Variants in CMTM8 observed in about 807,000 individuals in gnomAD.
CMTM8 encodes CKLF-like MARVEL transmembrane domain-containing protein 8.
Under a neutral mutation model 18.6 loss-of-function variants are expected in CMTM8, and 12 were observed. The ratio of observed to expected loss-of-function variants is 0.65; its 90% CI spans 0.41 to 1.05. The LOEUF (loss-of-function observed/expected upper bound fraction) is 1.05. Among genes scored for constraint, CMTM8 ranks in the 50% least tolerant of loss-of-function variants. The pLI is 0.00. For missense variants in CMTM8, 217 were observed against 227.2 expected (o/e 0.95, Z 0.29); for synonymous variants, 87 against 90.6 (o/e 0.96, Z 0.23).
chr3:32,314,822 A>G (rs1238106769), intron 1 of CMTM8, among the ~76,000 whole-genome samples: 2 of 150,992 alleles, frequency 1.3e-5, no homozygotes, highest in Admixed American at 1.3e-4. Flanking sequence ...TTGGTAAGGA[A>G]GGAAAATTTT....
chr3:32,351,653 A>G (rs1386884909), intron 1 of CMTM8, among the ~76,000 whole-genome samples: 1 of 151,790 alleles, frequency 6.6e-6, no homozygotes, highest in East Asian at 1.9e-4. Context: ...TAGAGGCTGC[A>G]GTGACTCTTG....
intron 1 of CMTM8, among the ~76,000 whole-genome samples, chr3:32,240,741 C>T (rs918025998): frequency 6.6e-6 from 1 of 152,244 alleles, no homozygotes; most frequent in South Asian, 2.1e-4. Context: ...ACCCTTATTA[C>T]TACTATAGTT....
At chr3:32,285,822 C>T (rs1485986228) in intron 1 of CMTM8, among the ~76,000 whole-genome samples, 1 of 152,184 alleles carries the variant, frequency 6.6e-6, no homozygotes, top group Non-Finnish European at 1.5e-5. Context: ...TGCTCTGTGC[C>T]TTTCTCCCCC....
chr3:32,288,092 G>A (rs1449545519), intron 1 of CMTM8, among the ~76,000 whole-genome samples: 4 of 152,102 alleles, frequency 2.6e-5, no homozygotes, highest in African/African-American at 9.7e-5. Context: ...ATATCAAATA[G>A]GTAGACCTGG....
At chr3:32,348,388 C>T (rs1575089603) in intron 1 of CMTM8, among the ~76,000 whole-genome samples, 3 of 152,190 alleles carry the variant, frequency 2.0e-5, no homozygotes, top group South Asian at 4.1e-4. Flanking sequence ...CTATTTCATC[C>T]ACTGTGCTGG....
chr3:32,255,031 T>C (rs751153449), intron 1 of CMTM8, among the ~76,000 whole-genome samples: 2 of 152,202 alleles, frequency 1.3e-5, no homozygotes, highest in Admixed American at 6.5e-5. Flanking sequence ...CTTTGACTTA[T>C]TTTTGTGGCT....
chr3:32,256,832 G>T (rs1702179224), intron 1 of CMTM8, among the ~76,000 whole-genome samples: 1 of 152,160 alleles, frequency 6.6e-6, no homozygotes, highest in African/African-American at 2.4e-5. Flanking sequence ...TATATTCCTT[G>T]CATCTATTGC....
At chr3:32,302,814 A>G (rs6803740) in intron 1 of CMTM8, among the ~76,000 whole-genome samples, 24,448 of 152,170 alleles carry the variant, frequency 0.16, 2,042 homozygotes, top group South Asian at 0.26. Flanking sequence ...GCGCATACAC[A>G]CCAAGTACCT....
In CMTM8 at chr3:32,238,762, G is replaced by A. The variant is rs1701902963; in HGVS notation, c.-211G>A. The A allele has an allele frequency of 9.7e-6, 3 of 307,966 alleles. No individual in the cohort carries two copies. The highest frequency in any genetic ancestry group is 6.6e-5 in the African/African-American group (3 of 45,228). The allele number at this position is 307,966 out of a possible 1,614,324, so 19.1% of individuals were successfully genotyped here. On this transcript the variant is annotated 5_prime_UTR_variant, in exon 1 of 4. Coordinates refer to ENST00000307526, the MANE Select transcript of CMTM8 (RefSeq NM_178868.5). ...TCTAGGGCCCCAGCGCAGCTCGGGA[G>A]CCCGCGCACCGAGGCGCTAGGGGCA...
chr3:32,319,183 A>C (rs1695996392), intron 1 of CMTM8, among the ~76,000 whole-genome samples: 1 of 144,664 alleles, frequency 6.9e-6, no homozygotes, highest in Non-Finnish European at 1.5e-5. Flanking sequence ...GGTTCAAGGG[A>C]TTCTCCTGTC....
intron 1 of CMTM8, among the ~76,000 whole-genome samples, chr3:32,241,384 G>T (rs1212464231): frequency 7.8e-6 from 1 of 128,240 alleles, no homozygotes; most frequent in South Asian, 3.1e-4. Flanking sequence ...TGTAAAAGCA[G>T]TATGCATTCA....
intron 2 of CMTM8, among the ~76,000 whole-genome samples, chr3:32,362,127 G>A (rs948159529): frequency 4.5e-5 from 6 of 132,992 alleles, no homozygotes; most frequent in East Asian, 2.4e-4. Context: ...TACACCCTCC[G>A]CCTCCCGGGT....
At chr3:32,287,649 C>G (rs1015408227) in intron 1 of CMTM8, among the ~76,000 whole-genome samples, 1 of 152,146 alleles carries the variant, frequency 6.6e-6, no homozygotes, top group African/African-American at 2.4e-5. Context: ...TTAGAATACA[C>G]AAATGCCTTC....
At chr3:32,331,266 TA>T (rs1696268420) in intron 1 of CMTM8, among the ~76,000 whole-genome samples, 1 of 152,218 alleles carries the variant, frequency 6.6e-6, no homozygotes, top group Non-Finnish European at 1.5e-5. Context: ...CATAATGAGC[TA>T]TTACCTCACA....
At chr3:32,241,702 TAAGTC>T (rs1014204932) in intron 1 of CMTM8, among the ~76,000 whole-genome samples, 16 of 152,218 alleles carry the variant, frequency 1.1e-4, no homozygotes, top group Non-Finnish European at 2.1e-4. Flanking sequence ...ACCTCATTGT[TAAGTC>T]AAGGGGCATC....
Position 32,282,886 on chromosome 3 carries a change from C to T in CMTM8, c.147+43767C>T, listed in dbSNP as rs139294086. ...TTTTCTCTTCTCCCTGCCTAGAACC[C>T]ACTTTCTCCAGGTCTTATTTCAGCA... On this transcript the variant is annotated intron_variant, in intron 1 of 3. Transcript: ENST00000307526. Among the ~76,000 whole-genome samples, 557 of 152,320 alleles carry T rather than the reference C, an allele frequency of 3.7e-3. 6 individuals carry two copies. The highest frequency in any genetic ancestry group is 0.013 in the African/African-American group (528 of 41,562).
At chr3:32,251,504 A>G (rs1396649751) in intron 1 of CMTM8, among the ~76,000 whole-genome samples, 1 of 151,734 alleles carries the variant, frequency 6.6e-6, no homozygotes. Flanking sequence ...TGGTGGAGAC[A>G]GGTTTTGCCA....
intron 1 of CMTM8, among the ~76,000 whole-genome samples, chr3:32,356,369 C>G (rs1030677228): frequency 2.6e-5 from 4 of 152,176 alleles, no homozygotes; most frequent in South Asian, 4.1e-4. Context: ...ATAAAGTCCA[C>G]CTGGAAGGTG....
intron 1 of CMTM8, among the ~76,000 whole-genome samples, chr3:32,277,632 T>C (rs116563533): frequency 1.3e-3 from 191 of 152,280 alleles, no homozygotes; most frequent in African/African-American, 4.5e-3. Flanking sequence ...TTACCCGAAG[T>C]TATGTTACTT....
Sources: allele counts gnomAD v4.1 joint callset (sites outside exome capture counted in the v4.1 genomes callset), GRCh38; gene constraint gnomAD v4.1.1; transcripts MANE v1.5; gene names NCBI Gene and HGNC (gene_info 2026-07-23, HGNC 2026-07-21).